CAMK2D: variants seen among roughly 807,000 people sequenced by gnomAD.
CAMK2D encodes calcium/calmodulin dependent protein kinase II delta, also known as calcium/calmodulin-dependent protein kinase type II subunit delta.
In CAMK2D, 37 loss-of-function variants were observed where a neutral mutation model predicts 84.0. That is an observed-to-expected ratio of 0.44 (90% CI 0.34 to 0.58). The LOEUF (loss-of-function observed/expected upper bound fraction) is 0.58, where lower values mean the gene tolerates loss of function less well. Among genes scored for constraint, CAMK2D ranks in the 20% least tolerant of loss-of-function variants. CAMK2D has a pLI of 0.02. For synonymous variants in CAMK2D, 202 were observed against 212.5 expected, an observed-to-expected ratio of 0.95 and a Z score of 0.43; for missense variants, 448 against 652.5, an observed-to-expected ratio of 0.69 and a Z score of 3.41.
At chr4:113,658,605 C>T (rs1204515582) in intron 3 of CAMK2D, among the ~76,000 whole-genome samples, 1 of 152,140 alleles carries the variant, frequency 6.6e-6, no homozygotes, top group Non-Finnish European at 1.5e-5. Flanking sequence ...CATCTAATAT[C>T]CAATGCTTTG....
In CAMK2D at chr4:113,578,703, T is replaced by C. The variant is rs563428283; in HGVS notation, c.276-26607A>G. Among the ~76,000 whole-genome samples, 165 of 152,182 alleles carry C rather than the reference T, an allele frequency of 1.1e-3. 1 individual carries two copies. Among genetic ancestry groups the C allele is most frequent in the African/African-American group, 2.8e-3 (116 of 41,528 alleles). On this transcript the variant is annotated intron_variant, in intron 4 of 20. Coordinates refer to ENST00000511664, the MANE Select transcript of CAMK2D (RefSeq NM_001321571.2). ...CTAAAGAGATAACTTTAACAATACATAGATGTAGCCAAAGCTCTTTCTTCT... is the reference window on the plus strand; with the variant it reads ...CTAAAGAGATAACTTTAACAATACACAGATGTAGCCAAAGCTCTTTCTTCT...
rs2099273938 is a variant in CAMK2D, at chr4:113,670,106, C to T, written c.161-8334G>A. The stretch of plus-strand genomic sequence containing the variant: ...CCAGCCTGGCCAACATGGTGATACA[C>T]CGTCTGTACTACAAAAAATACAAAA... On this transcript the variant is annotated intron_variant, in intron 2 of 20. Coordinates refer to ENST00000511664, the MANE Select transcript of CAMK2D (RefSeq NM_001321571.2). Among the ~76,000 whole-genome samples, 3 of 152,030 alleles carry T rather than the reference C, an allele frequency of 2.0e-5. No homozygotes were observed. In the South Asian group the frequency reaches 6.2e-4, roughly 32 times the overall value.
At chr4:113,474,696 G>C (rs1181660828) in intron 16 of CAMK2D, among the ~76,000 whole-genome samples, 1 of 151,930 alleles carries the variant, frequency 6.6e-6, no homozygotes, top group African/African-American at 2.4e-5. Flanking sequence ...CCCCAGGCTG[G>C]AGTGCAAAGG....
intron 3 of CAMK2D, among the ~76,000 whole-genome samples, chr4:113,617,090 TG>T (rs565283037): frequency 5.4e-4 from 82 of 152,334 alleles, no homozygotes; most frequent in African/African-American, 1.9e-3. Context: ...CCTTTCTTCT[TG>T]CCTTATGTTT....
At chr4:113,727,493 C>T (rs1420881083) in intron 2 of CAMK2D, among the ~76,000 whole-genome samples, 1 of 152,086 alleles carries the variant, frequency 6.6e-6, no homozygotes, top group Non-Finnish European at 1.5e-5. Context: ...GAACTTTGCT[C>T]TTTACCTCAT....
At chr4:113,657,757 GATT>G (rs2154308007) in intron 3 of CAMK2D, among the ~76,000 whole-genome samples, 1 of 152,226 alleles carries the variant, frequency 6.6e-6, no homozygotes, top group Non-Finnish European at 1.5e-5. Flanking sequence ...AAGTTTTCAA[GATT>G]ATTGATTCTG....
At position 113,724,381 on chromosome 4, in the gene CAMK2D, T is replaced by C. The variant is rs550236167; in HGVS notation, c.160+34939A>G. On this transcript the variant is annotated intron_variant, in intron 2 of 20. Coordinates refer to ENST00000511664, the MANE Select transcript of CAMK2D (RefSeq NM_001321571.2). ...GAATTGAGATGTATACTTTGCTTAA[T>C]ACATAAATGTATACAATATTAACTT... Among the ~76,000 whole-genome samples, 211 of 152,132 alleles carry C rather than the reference T, an allele frequency of 1.4e-3. 1 individual carries two copies. The highest frequency in any genetic ancestry group is 4.8e-3 in the African/African-American group (200 of 41,576).
At chr4:113,687,101 AC>A (rs781518089) in intron 2 of CAMK2D, among the ~76,000 whole-genome samples, 16 of 152,186 alleles carry the variant, frequency 1.1e-4, no homozygotes, top group Non-Finnish European at 2.4e-4. Flanking sequence ...TCTTCTTTGA[AC>A]TGATATGGTC....
At chr4:113,714,921 C>T (rs1303990570) in intron 2 of CAMK2D, among the ~76,000 whole-genome samples, 1 of 151,914 alleles carries the variant, frequency 6.6e-6, no homozygotes, top group Non-Finnish European at 1.5e-5. Flanking sequence ...ATATGAAAAC[C>T]CTTATGGTAT....
At chr4:113,512,204 G>A (rs979878999) in intron 12 of CAMK2D, among the ~76,000 whole-genome samples, 5 of 152,164 alleles carry the variant, frequency 3.3e-5, no homozygotes, top group African/African-American at 1.2e-4. Flanking sequence ...ACATAAGACT[G>A]CTTAGCATTG....
At chr4:113,457,614 CTA>C in intron 18 of CAMK2D, 51 bp from the exon 19 acceptor site, 1 of 1,439,934 alleles carries the variant, frequency 6.9e-7, no homozygotes. Flanking sequence ...GTAAAGGAAA[CTA>C]AAACCAGTAA....
intron 16 of CAMK2D, among the ~76,000 whole-genome samples, chr4:113,489,689 C>T (rs371645385): frequency 1.2e-4 from 18 of 149,122 alleles, no homozygotes; most frequent in South Asian, 4.4e-4. Flanking sequence ...ATGGTATTTC[C>T]AGTTCTAGAT....
intron 16 of CAMK2D, among the ~76,000 whole-genome samples, chr4:113,480,778 T>C (rs931049836): frequency 1.3e-5 from 2 of 151,874 alleles, no homozygotes; most frequent in Non-Finnish European, 2.9e-5. Context: ...CAGGCGGAGG[T>C]TGCAGTGAGC....
At position 113,582,964 on chromosome 4, in the gene CAMK2D, C is replaced by T. The variant is rs141444446; in HGVS notation, c.275+26188G>A. On this transcript the variant is annotated intron_variant, in intron 4 of 20. Coordinates refer to ENST00000511664, the MANE Select transcript of CAMK2D (RefSeq NM_001321571.2). The stretch of plus-strand genomic sequence containing the variant: ...CACCAAATCGGAAGATAGGCATTCC[C>T]TATTGGGGCAGAGACAGTCTGTCCT... Among the ~76,000 whole-genome samples, 247 of 152,318 alleles carry T rather than the reference C, an allele frequency of 1.6e-3. 1 individual carries two copies. Among genetic ancestry groups the T allele is most frequent in the Middle Eastern group, 0.014 (4 of 294 alleles).
intron 2 of CAMK2D, among the ~76,000 whole-genome samples, chr4:113,726,076 A>C (rs1353028704): frequency 6.6e-6 from 1 of 152,224 alleles, no homozygotes; most frequent in Non-Finnish European, 1.5e-5. Flanking sequence ...GAAAATATTT[A>C]AGTTTATTGA....
chr4:113,760,964 C>T, intron 1 of CAMK2D, 40 bp downstream of exon 1: 1 of 1,613,850 alleles, frequency 6.2e-7, no homozygotes. Context: ...CCGCCCTCAG[C>T]TGGAAAGGGG....
At chr4:113,551,651 A>G (rs1487653844) in intron 5 of CAMK2D, among the ~76,000 whole-genome samples, 1 of 152,230 alleles carries the variant, frequency 6.6e-6, no homozygotes, top group East Asian at 1.9e-4. Flanking sequence ...AATTTAATTT[A>G]ATTTTAATTA....
chr4:113,604,261 T>A (rs1185005773), intron 4 of CAMK2D, among the ~76,000 whole-genome samples: 2 of 152,198 alleles, frequency 1.3e-5, no homozygotes, highest in African/African-American at 4.8e-5. Flanking sequence ...AAGATATCAA[T>A]GTATATTTCT....
intron 15 of CAMK2D, among the ~76,000 whole-genome samples, chr4:113,501,956 T>A (rs2098054097): frequency 6.6e-6 from 1 of 152,158 alleles, no homozygotes; most frequent in Non-Finnish European, 1.5e-5. Context: ...TCATGTTTTT[T>A]ACTTTAATGG....
Sources: gnomAD v4.1 joint callset for allele counts (sites outside exome capture counted in the v4.1 genomes callset) on GRCh38, gnomAD v4.1.1 for gene constraint, MANE v1.5 for transcripts, NCBI Gene and HGNC (gene_info 2026-07-23, HGNC 2026-07-21) for gene names.